ASIC2: variants seen among roughly 807,000 people sequenced by gnomAD.
ASIC2 encodes the protein acid sensing ion channel subunit 2.
Under a neutral mutation model 57.3 loss-of-function variants are expected in ASIC2, and 25 were observed. The ratio of observed to expected loss-of-function variants is 0.44; its 90% CI spans 0.32 to 0.61. ASIC2 has a LOEUF of 0.61. Among genes scored for constraint, ASIC2 ranks in the 20% least tolerant of loss-of-function variants. The pLI is 0.06. For synonymous variants in ASIC2, 319 were observed against 307.5 expected, an observed-to-expected ratio of 1.04 and a Z score of -0.39; for missense variants, 641 against 738.1, an observed-to-expected ratio of 0.87 and a Z score of 1.52.
intron 1 of ASIC2, among the ~76,000 whole-genome samples, chr17:34,021,890 T>C (rs1907176356): frequency 7.0e-6 from 1 of 142,562 alleles, no homozygotes; most frequent in African/African-American, 2.7e-5. Flanking sequence ...CGGGCTGGAG[T>C]GCAGTGGTGC....
intron 1 of ASIC2, among the ~76,000 whole-genome samples, chr17:33,641,344 C>T (rs1338860857): frequency 6.6e-6 from 1 of 152,216 alleles, no homozygotes; most frequent in Non-Finnish European, 1.5e-5. Flanking sequence ...AACATCCGCA[C>T]ACAGCACACG....
In ASIC2 at chr17:33,970,546, C is replaced by T. The variant is rs568833821; in HGVS notation, c.555+185432G>A. On this transcript the variant is annotated intron_variant, in intron 1 of 9. Transcript: ENST00000359872. ...GTTGGACTATGGGAACCGCAAAAGACAGGGAAGTTAGGCAGCTTTGGCTCC... is the reference window on the plus strand; with the variant it reads ...GTTGGACTATGGGAACCGCAAAAGATAGGGAAGTTAGGCAGCTTTGGCTCC... 2.0e-5 allele frequency among the ~76,000 whole-genome samples: 3 copies of T among 152,340 alleles called. No homozygotes were observed. In the South Asian group the frequency reaches 6.2e-4, roughly 32 times the overall value.
At chr17:33,710,354 A>G (rs946953194) in intron 1 of ASIC2, among the ~76,000 whole-genome samples, 1 of 152,230 alleles carries the variant, frequency 6.6e-6, no homozygotes, top group Non-Finnish European at 1.5e-5. Flanking sequence ...ACACACACAA[A>G]GAAAAATAAG....
intron 6 of ASIC2, 144 bp downstream of exon 6, chr17:33,023,717 G>T: frequency 2.7e-6 from 3 of 1,094,832 alleles, no homozygotes; most frequent in South Asian, 3.2e-5. Flanking sequence ...AACATGGAGC[G>T]CAGAGCGTGA....
chr17:33,016,027 T>C lies in ASIC2; in HGVS notation c.1534A>G (p.Lys512Glu), dbSNP rs1176431894. 4.3e-6 allele frequency: 7 copies of C among 1,613,758 alleles called. No individual in the cohort carries two copies. Among genetic ancestry groups the C allele is most frequent in the Non-Finnish European group, 5.1e-6 (6 of 1,179,944 alleles). The change falls in exon 9 of 10, where the codon AAG (lysine) becomes GAG (glutamate). Residue 512 changes from lysine to glutamate, a missense_variant. By Grantham distance (56) the Lys-to-Glu change is moderately conservative (BLOSUM62 1). Transcript: ENST00000225823. ...FDYIYELIKE[K>E]LLDLLGKEED... is the part of the protein sequence containing the mutation. ...TCTTTGCCAAGCAGGTCTAATAGCTTCTCTTTGATCAGCTGCAAGAAAAGC... is the reference window on the plus strand; with the variant it reads ...TCTTTGCCAAGCAGGTCTAATAGCTCCTCTTTGATCAGCTGCAAGAAAAGC...
chr17:33,974,065 C>T (rs937875035), intron 1 of ASIC2, among the ~76,000 whole-genome samples: 7 of 152,156 alleles, frequency 4.6e-5, no homozygotes, highest in South Asian at 2.1e-4. Context: ...GTCTTCTTCC[C>T]GGCTTCAGTT....
chr17:33,111,558 T>G (rs953419179), intron 2 of ASIC2, among the ~76,000 whole-genome samples: 1 of 152,080 alleles, frequency 6.6e-6, no homozygotes, highest in Admixed American at 6.5e-5. Flanking sequence ...GTCGGGATAT[T>G]CAGGATGACT....
chr17:33,064,437 T>C (rs1283331481), intron 3 of ASIC2, among the ~76,000 whole-genome samples: 1 of 152,228 alleles, frequency 6.6e-6, no homozygotes, highest in Non-Finnish European at 1.5e-5. Context: ...CCAGACCCTG[T>C]TTGCCTGGGT....
intron 1 of ASIC2, among the ~76,000 whole-genome samples, chr17:34,097,362 G>A (rs1274989576): frequency 6.6e-6 from 1 of 152,108 alleles, no homozygotes; most frequent in Non-Finnish European, 1.5e-5. Flanking sequence ...GAGTGGAGGG[G>A]GTGGGAGAGA....
chr17:33,932,644 C>A (rs577828932), intron 1 of ASIC2: 2 of 128,660 alleles, frequency 1.6e-5, no homozygotes, highest in Non-Finnish European at 3.2e-5. Context: ...ATCCAGGAGG[C>A]GGAGGTTGCA....
At chr17:33,222,071 G>T (rs908081405) in intron 1 of ASIC2, among the ~76,000 whole-genome samples, 4 of 152,174 alleles carry the variant, frequency 2.6e-5, no homozygotes, top group African/African-American at 9.7e-5. Flanking sequence ...AGAGAGTATG[G>T]TGGCTTGATA....
intron 1 of ASIC2, among the ~76,000 whole-genome samples, chr17:33,555,140 G>A (rs1319587572): frequency 1.3e-5 from 2 of 152,144 alleles, no homozygotes; most frequent in African/African-American, 4.8e-5. Flanking sequence ...GTCTCAGAAA[G>A]TTATGGGCAC....
At chr17:33,841,397 C>A (rs1318411737) in intron 1 of ASIC2, among the ~76,000 whole-genome samples, 2 of 152,082 alleles carry the variant, frequency 1.3e-5, no homozygotes, top group Non-Finnish European at 2.9e-5. Context: ...AGTCTAAAAG[C>A]CAGGCTTTAA....
chr17:33,128,574 G>C (rs1267413693), intron 1 of ASIC2, among the ~76,000 whole-genome samples: 4 of 152,206 alleles, frequency 2.6e-5, no homozygotes, highest in Non-Finnish European at 4.4e-5. Flanking sequence ...TTGTAACAGA[G>C]GCCTCAGCTG....
chr17:33,774,796 A>G (rs1002637041), intron 1 of ASIC2, among the ~76,000 whole-genome samples: 3 of 152,224 alleles, frequency 2.0e-5, no homozygotes, highest in Non-Finnish European at 2.9e-5. Flanking sequence ...TGTCTGCAAC[A>G]TGTACCATCC....
At chr17:33,950,891 T>A (rs955123889) in intron 1 of ASIC2, among the ~76,000 whole-genome samples, 1 of 150,996 alleles carries the variant, frequency 6.6e-6, no homozygotes, top group Non-Finnish European at 1.5e-5. Flanking sequence ...AGCTCAGTGG[T>A]GGCTTAGCAC....
chr17:33,150,782 G>A (rs1258189548), intron 1 of ASIC2, among the ~76,000 whole-genome samples: 3 of 112,636 alleles, frequency 2.7e-5, no homozygotes, highest in East Asian at 6.1e-4. Flanking sequence ...CCCGGGAGGC[G>A]GAGCTTGCAG....
At chr17:33,611,558 T>C (rs1567668893) in intron 1 of ASIC2, among the ~76,000 whole-genome samples, 1 of 152,214 alleles carries the variant, frequency 6.6e-6, no homozygotes, top group Non-Finnish European at 1.5e-5. Context: ...TGGGCTAGGC[T>C]AGGCAGGGTC....
chr17:33,734,089 T>G (rs1307806508), intron 1 of ASIC2, among the ~76,000 whole-genome samples: 1 of 152,138 alleles, frequency 6.6e-6, no homozygotes, highest in Non-Finnish European at 1.5e-5. Context: ...AAGAAAAATA[T>G]GTCATCTCCC....
Sources: gnomAD v4.1 joint callset for allele counts (sites outside exome capture counted in the v4.1 genomes callset) on GRCh38, gnomAD v4.1.1 for gene constraint, MANE v1.5 for transcripts, NCBI Gene and HGNC (gene_info 2026-07-23, HGNC 2026-07-21) for gene names.